Variants in LRRC71 observed in about 807,000 individuals in gnomAD.
LRRC71 encodes the protein leucine-rich repeat-containing protein 71.
In LRRC71, 54 loss-of-function variants were observed where a neutral mutation model predicts 66.6. That is an observed-to-expected ratio of 0.81 (90% CI 0.65 to 1.02). The LOEUF is 1.02. LRRC71 is among the 50% of genes least tolerant of loss of function. LRRC71 has a pLI of 0.00. For synonymous variants in LRRC71, 323 were observed against 303.9 expected, an observed-to-expected ratio of 1.06 and a Z score of -0.65; for missense variants, 724 against 718.0, an observed-to-expected ratio of 1.01 and a Z score of -0.10.
In LRRC71 at chr1:156,920,871, C is replaced by T. The variant is rs906200808; in HGVS notation, c.68C>T (p.Ser23Phe). The change falls in exon 1 of 15, where the codon TCT (serine) becomes TTT (phenylalanine). Residue 23 changes from serine (S) to phenylalanine (F), a missense_variant. Coordinates refer to ENST00000337428, the MANE Select transcript of LRRC71 (RefSeq NM_144702.3). This position sits in a 1 kb window ranked among gnomAD's most constrained non-coding sequence, Gnocchi z 4.9. ...RAPRPGTQKS[S>F]GAVTKKGERA... ...CCGCGTCCGGGGACCCAGAAGTCTTCTGGCGCGGTGACCAAAAAGGGAGAG... is the reference window on the plus strand; with the variant it reads ...CCGCGTCCGGGGACCCAGAAGTCTTTTGGCGCGGTGACCAAAAAGGGAGAG... The T allele has an allele frequency of 6.5e-7, 1 of 1,542,918 alleles. No individual in the cohort carries two copies. The highest frequency in any genetic ancestry group is 8.7e-7 in the Non-Finnish European group (1 of 1,143,974).
At chr1:156,930,074 TTCTTTTCTTTCTTTCTTTC>T (rs1226716293) in intron 11 of LRRC71, among the ~76,000 whole-genome samples, 1 of 111,954 alleles carries the variant, frequency 8.9e-6, no homozygotes, top group African/African-American at 4.8e-5. Flanking sequence ...CTTTCTTTCT[TTCTTTTCTTTCTTTCTTTC>T]TCTCTCTTTT....
chr1:156,924,547 T>C lies in LRRC71; in HGVS notation c.434T>C (p.Ile145Thr). ...AGCAAGTCAGTGAAGGAAATCTACA[T>C]CCGCGGTGAGCCCCGCTCCCCCCAC... The part of the protein sequence containing the change: ...EDSKSVKEIY[I>T]RGWKVEERIL... Residue 145 changes from isoleucine (I) to threonine (T), a missense_variant, in exon 3 of 15, where the codon ATC (isoleucine) becomes ACC (threonine). Ile to Thr is a moderately conservative substitution (Grantham distance 89, BLOSUM62 -1). Coordinates refer to ENST00000337428, the MANE Select transcript of LRRC71 (RefSeq NM_144702.3). 1 of 1,551,418 alleles carries C rather than the reference T, an allele frequency of 6.4e-7. No individual in the cohort carries two copies. Among genetic ancestry groups the C allele is most frequent in the Non-Finnish European group, 8.7e-7 (1 of 1,146,922 alleles).
In LRRC71 at chr1:156,928,363, C is replaced by CTTCTTCTTCTTCT. The variant is rs1653584959; in HGVS notation, c.996+360_996+361insTCTTCTTCTTCTT. Among the ~76,000 whole-genome samples, 220 of 98,808 alleles carry CTTCTTCTTCTTCT rather than the reference C, an allele frequency of 2.2e-3. 6 individuals are homozygous for CTTCTTCTTCTTCT. The highest frequency in any genetic ancestry group is 0.01 in the African/African-American group (196 of 18,760). 64.8% of individuals were successfully genotyped at this position (98,808 alleles called of 152,430 possible). ...TTCTTCTTTCTTTCTCTTCTTCTTC[C>CTTCTTCTTCTTCT]TCTTCTTCTTCTTCTTCTTCTTCTT... On this transcript the variant is annotated intron_variant, in intron 9 of 14. Coordinates refer to ENST00000337428, the MANE Select transcript of LRRC71 (RefSeq NM_144702.3).
At chr1:156,933,137 G>T (rs1308120704), downstream of LRRC71, 3 of 578,174 alleles carry the variant, frequency 5.2e-6, no homozygotes, top group African/African-American at 5.6e-5. Flanking sequence ...GGAACATTTA[G>T]ATTTTGCGTC....
At chr1:156,924,333 G>A (rs1250294638) in intron 2 of LRRC71, 91 bp from the exon 3 acceptor site, 3 of 1,481,262 alleles carry the variant, frequency 2.0e-6, no homozygotes, top group South Asian at 1.3e-5. Flanking sequence ...CTCTGGCGGT[G>A]TCCTCCAATC....
chr1:156,930,455 GTT>G (rs1654193401), intron 11 of LRRC71, 72 bp from the exon 12 acceptor site: 3 of 1,379,608 alleles, frequency 2.2e-6, no homozygotes, highest in Non-Finnish European at 3.0e-6. Context: ...CTCACAGCCT[GTT>G]TTCTCTGGGG....
chr1:156,928,429 T>C lies in LRRC71; in HGVS notation c.996+425T>C, dbSNP rs1353097338. Among the ~76,000 whole-genome samples, 39 of 73,364 alleles carry C rather than the reference T, an allele frequency of 5.3e-4. 1 individual carries two copies. The East Asian group carries it at 0.014, about 26-fold the overall frequency. The allele number at this position is 73,364 out of a possible 152,430, so 48.1% of individuals were successfully genotyped here. ...CTTCCTCTTATTCCTCCTCCTCCTC[T>C]TCTTCTTCCTCTTCCTCCTCCTCTT... On this transcript the variant is annotated intron_variant, in intron 9 of 14. Transcript: ENST00000337428.
intron 9 of LRRC71, 54 bp downstream of exon 9, chr1:156,928,058 C>T: frequency 6.6e-7 from 1 of 1,505,226 alleles, no homozygotes; most frequent in Non-Finnish European, 9.0e-7. Context: ...ACCCTCGAGC[C>T]CACTCCCCAA....
At chr1:156,921,030 C>T (rs1379160419) in intron 1 of LRRC71, 67 bp downstream of exon 1, 4 of 1,435,192 alleles carry the variant, frequency 2.8e-6, no homozygotes, top group Non-Finnish European at 3.7e-6. Context: ...CCACTAGCTA[C>T]TCACTGCTCC....
intron 12 of LRRC71, among the ~76,000 whole-genome samples, chr1:156,931,004 CCT>C (rs1252825832): frequency 6.6e-6 from 1 of 152,110 alleles, no homozygotes; most frequent in Admixed American, 6.5e-5. Context: ...CTTTTTTGCC[CCT>C]CTCAGCAGCT....
chr1:156,939,116 G>C, the LRRC71 span: 1 of 239,104 alleles, frequency 4.2e-6, no homozygotes, highest in African/African-American at 2.3e-5. Context: ...ACTGCCCTTG[G>C]AGCTGTTGCC....
rs1430275259 is a variant in LRRC71, at chr1:156,925,131, C to T, written c.593+116C>T. On this transcript the variant is annotated intron_variant, in intron 5 of 14. Coordinates refer to ENST00000337428, the MANE Select transcript of LRRC71 (RefSeq NM_144702.3). ...CAGCTCCTGTGGGCCTGCCTGGCAT[C>T]CCTGTGGAAGCAGAAGCAGGCAATG... 3.2e-6 allele frequency: 3 copies of T among 943,740 alleles called. No individual in the cohort carries two copies. The African/African-American group carries it at 4.9e-5, about 15-fold the overall frequency. 58.5% of individuals were successfully genotyped at this position (943,740 alleles called of 1,614,324 possible).
rs759769123 is a variant in LRRC71 at position 156,929,362 on chromosome 1, A to T, written c.1079A>T (p.Asp360Val). 1 of 1,613,710 alleles carries T rather than the reference A, an allele frequency of 6.2e-7. No individual in the cohort carries two copies. The highest frequency in any genetic ancestry group is 1.1e-5 in the South Asian group (1 of 90,992). The change falls in exon 10 of 15, where the codon GAC becomes GTC. Residue 360 changes from aspartate (D) to valine (V), a missense_variant. Coordinates refer to ENST00000337428, the MANE Select transcript of LRRC71 (RefSeq NM_144702.3). ...MVGISNSALV[D>V]KTDKTQTMKT... ...GGGATCAGCAATAGTGCATTGGTGG[A>T]CAAGACAGACAAGACGCAGACAATG...
chr1:156,922,878 G>A (rs1211061808), intron 1 of LRRC71, among the ~76,000 whole-genome samples: 1 of 152,182 alleles, frequency 6.6e-6, no homozygotes, highest in Admixed American at 6.5e-5. Context: ...AGGTATGAGT[G>A]AAGCAAGGAA....
Position 156,920,883 on chromosome 1 carries a change from C to A in LRRC71, c.80C>A (p.Thr27Asn), listed in dbSNP as rs767024163. Reference protein sequence around the residue: ...PGTQKSSGAVTKKGERAAKEK... With the variant: ...PGTQKSSGAVNKKGERAAKEK... ...ACCCAGAAGTCTTCTGGCGCGGTGA[C>A]CAAAAAGGGAGAGCGCGCGGCCAAA... Residue 27 changes from threonine to asparagine, a missense_variant, in exon 1 of 15, where the codon ACC becomes AAC. Transcript: ENST00000337428. This position sits in a 1 kb window ranked among gnomAD's most constrained non-coding sequence, Gnocchi z 4.9. 1 of 1,540,278 alleles carries A rather than the reference C, an allele frequency of 6.5e-7. No individual in the cohort carries two copies. Among genetic ancestry groups the A allele is most frequent in the South Asian group, 1.2e-5 (1 of 82,114 alleles).
chr1:156,931,291 G>T (rs1654329310), intron 12 of LRRC71, among the ~76,000 whole-genome samples: 1 of 152,114 alleles, frequency 6.6e-6, no homozygotes, highest in Non-Finnish European at 1.5e-5. Context: ...GCAGGGAAGG[G>T]CCCCTCTCCT....
chr1:156,929,050 C>T (rs1218841787), intron 9 of LRRC71, among the ~76,000 whole-genome samples: 1 of 152,154 alleles, frequency 6.6e-6, no homozygotes, highest in African/African-American at 2.4e-5. Context: ...GTCTGAGACC[C>T]TGCCTCACCC....
intron 1 of LRRC71, 139 bp from the exon 2 acceptor site, chr1:156,923,810 G>A (rs1212907241): frequency 2.3e-6 from 2 of 865,064 alleles, no homozygotes; most frequent in African/African-American, 1.8e-5. Context: ...TGTTTTCAGC[G>A]TCCGTACTTC....
chr1:156,937,908 C>A (rs1655843222), downstream of LRRC71, among the ~76,000 whole-genome samples: 1 of 152,226 alleles, frequency 6.6e-6, no homozygotes, highest in Non-Finnish European at 1.5e-5. Flanking sequence ...CCTGCCCTGC[C>A]CCTCTTCCAT....
Sources: gnomAD v4.1 joint callset for allele counts (sites outside exome capture counted in the v4.1 genomes callset) on GRCh38, gnomAD v4.1.1 for gene constraint, Gnocchi (gnomAD v3.1) non-coding constraint, MANE v1.5 for transcripts, NCBI Gene and HGNC (gene_info 2026-07-23, HGNC 2026-07-21) for gene names.